The following CDK14 variants were observed in gnomAD, a reference collection of about 807,000 sequenced individuals.
CDK14 encodes the protein cyclin dependent kinase 14.
Under a neutral mutation model 60.7 loss-of-function variants are expected in CDK14, and 34 were observed. The observed-to-expected ratio is 0.56, with a 90% CI of 0.43 to 0.75. The LOEUF is 0.75. Among genes scored for constraint, CDK14 ranks in the 30% least tolerant of loss-of-function variants. The probability of loss-of-function intolerance (pLI) is 0.00; values close to 1 mark genes in which losing one functional copy is unlikely to be tolerated. For synonymous variants in CDK14, 197 were observed against 203.7 expected, an observed-to-expected ratio of 0.97 and a Z score of 0.28; for missense variants, 482 against 564.1, an observed-to-expected ratio of 0.85 and a Z score of 1.47.
chr7:90,872,667 GT>G (rs1428497529), intron 6 of CDK14, among the ~76,000 whole-genome samples: 1 of 149,054 alleles, frequency 6.7e-6, no homozygotes, highest in Non-Finnish European at 1.5e-5. Flanking sequence ...TTTTTTTCCT[GT>G]TTACATCATA....
At chr7:90,658,302 A>G (rs1037101118) in intron 2 of CDK14, among the ~76,000 whole-genome samples, 1 of 152,224 alleles carries the variant, frequency 6.6e-6, no homozygotes, top group African/African-American at 2.4e-5. Context: ...CAAGATCAGG[A>G]TGCCAGCATG....
chr7:90,764,436 A>G (rs1804457418), intron 4 of CDK14, among the ~76,000 whole-genome samples: 1 of 152,206 alleles, frequency 6.6e-6, no homozygotes, highest in Non-Finnish European at 1.5e-5. Context: ...GGTGTCAGTG[A>G]GTTTTAGTCA....
chr7:90,794,295 A>G (rs1805959169), intron 5 of CDK14, among the ~76,000 whole-genome samples: 1 of 152,134 alleles, frequency 6.6e-6, no homozygotes, highest in Admixed American at 6.5e-5. Context: ...TCGGGCACGC[A>G]TTGTCATTGA....
chr7:90,933,039 T>C (rs1230077698), intron 8 of CDK14, among the ~76,000 whole-genome samples: 2 of 152,146 alleles, frequency 1.3e-5, no homozygotes, highest in Non-Finnish European at 2.9e-5. Context: ...GATATGGTTT[T>C]CCATAAGGAA....
intron 14 of CDK14, among the ~76,000 whole-genome samples, chr7:91,192,934 G>A (rs989843387): frequency 6.6e-6 from 1 of 152,084 alleles, no homozygotes; most frequent in Non-Finnish European, 1.5e-5. Flanking sequence ...AGCCTGATCC[G>A]GGTTTCTCCT....
At chr7:90,684,086 C>T (rs1801381468) in intron 2 of CDK14, among the ~76,000 whole-genome samples, 1 of 152,150 alleles carries the variant, frequency 6.6e-6, no homozygotes, top group African/African-American at 2.4e-5. Flanking sequence ...CCCTAACTTG[C>T]AACGACTTCA....
At chr7:90,603,132 C>T (rs904250972) in intron 1 of CDK14, among the ~76,000 whole-genome samples, 5 of 152,072 alleles carry the variant, frequency 3.3e-5, no homozygotes, top group Non-Finnish European at 5.9e-5. Flanking sequence ...TGCATTGTTC[C>T]GTAAATTTGA....
chr7:91,058,594 A>T (rs539390544), intron 11 of CDK14, among the ~76,000 whole-genome samples: 5 of 152,274 alleles, frequency 3.3e-5, no homozygotes, highest in East Asian at 3.9e-4. Context: ...TACCTAATTT[A>T]TTGAGAGTTT....
At position 90,692,199 on chromosome 7, in the gene CDK14, G is replaced by A. The variant is rs144484307; in HGVS notation, c.124-34368G>A. On this transcript the variant is annotated intron_variant, in intron 2 of 14. Coordinates refer to ENST00000380050, the MANE Select transcript of CDK14 (RefSeq NM_001287135.2). ...TATTTCTAGCTTTTCTTCTTATATCGTTGGTCCATCGAATGCTTCTTTTTC... is the reference window on the plus strand; with the variant it reads ...TATTTCTAGCTTTTCTTCTTATATCATTGGTCCATCGAATGCTTCTTTTTC... Among the ~76,000 whole-genome samples the A allele has an allele frequency of 1.3e-3, 191 of 152,154 alleles. 3 individuals are homozygous for A. In the East Asian group the frequency reaches 0.027, roughly 21 times the overall value.
intron 3 of CDK14, among the ~76,000 whole-genome samples, chr7:90,741,725 A>G (rs1034346780): frequency 6.6e-6 from 1 of 152,158 alleles, no homozygotes; most frequent in African/African-American, 2.4e-5. Context: ...AAATAGTAGA[A>G]GTTAGGTGGT....
intron 4 of CDK14, among the ~76,000 whole-genome samples, chr7:90,762,935 T>A (rs1405656588): frequency 6.6e-6 from 1 of 152,066 alleles, no homozygotes; most frequent in East Asian, 1.9e-4. Context: ...TTGCAGTGAG[T>A]ACCACTGCAC....
chr7:91,031,362 C>T (rs1233748675), intron 10 of CDK14, among the ~76,000 whole-genome samples: 3 of 151,242 alleles, frequency 2.0e-5, no homozygotes, highest in East Asian at 1.9e-4. Context: ...TATTCCCTTT[C>T]GATAATCGTC....
intron 11 of CDK14, among the ~76,000 whole-genome samples, chr7:91,055,867 G>T (rs769303142): frequency 6.6e-6 from 1 of 152,268 alleles, no homozygotes; most frequent in Middle Eastern, 3.4e-3. Context: ...AAAACATTTG[G>T]TTGAGTTGTT....
intron 10 of CDK14, among the ~76,000 whole-genome samples, chr7:91,013,224 A>G (rs1476684103): frequency 6.6e-6 from 1 of 152,180 alleles, no homozygotes; most frequent in African/African-American, 2.4e-5. Context: ...CTTCCTGCCC[A>G]CGGCCTCCCT....
At chr7:90,738,076 A>G (rs1198812340) in intron 3 of CDK14, among the ~76,000 whole-genome samples, 1 of 152,104 alleles carries the variant, frequency 6.6e-6, no homozygotes, top group Non-Finnish European at 1.5e-5. Context: ...AGACCGAAGC[A>G]TGTTTAATAT....
rs535306018 is a variant in CDK14 at position 90,793,989 on chromosome 7, T to C, written c.544+3337T>C. 5.9e-5 allele frequency among the ~76,000 whole-genome samples: 9 copies of C among 152,270 alleles called. No individual in the cohort carries two copies. The South Asian group carries it at 1.9e-3, about 32-fold the overall frequency. On this transcript the variant is annotated intron_variant, in intron 5 of 14. Coordinates refer to ENST00000380050, the MANE Select transcript of CDK14 (RefSeq NM_001287135.2). ...GCCCACGATATTCAACATGAGTCCT[T>C]TTCTATTTTTCCTAAGTGTCGGATG... is the stretch of plus-strand genomic sequence containing the variant.
chr7:90,696,338 T>TC (rs61542847), intron 2 of CDK14, among the ~76,000 whole-genome samples: 31,933 of 99,136 alleles, frequency 0.32, 4,592 homozygotes, highest in Middle Eastern at 0.43. Context: ...TTCTTCTTCT[T>TC]TTTTTTTTTT....
intron 6 of CDK14, among the ~76,000 whole-genome samples, chr7:90,887,945 A>T (rs1792001339): frequency 6.6e-6 from 1 of 152,160 alleles, no homozygotes; most frequent in Non-Finnish European, 1.5e-5. Context: ...CACTTATTAT[A>T]AGAGTTTGAA....
At chr7:90,759,468 C>T (rs1448750318) in intron 4 of CDK14, among the ~76,000 whole-genome samples, 2 of 152,194 alleles carry the variant, frequency 1.3e-5, no homozygotes, top group Middle Eastern at 3.2e-3. Flanking sequence ...GCAATATGAT[C>T]TGGGAGGATT....
Sources: allele counts gnomAD v4.1 joint callset (sites outside exome capture counted in the v4.1 genomes callset), GRCh38; gene constraint gnomAD v4.1.1; transcripts MANE v1.5; gene names NCBI Gene and HGNC (gene_info 2026-07-23, HGNC 2026-07-21).